PSG11: variants seen among roughly 807,000 people sequenced by gnomAD.
The protein encoded by PSG11 is pregnancy-specific beta-1-glycoprotein 11.
Under a neutral mutation model 36.0 loss-of-function variants are expected in PSG11, and 42 were observed. The observed-to-expected ratio is 1.17, with a 90% CI of 0.91 to 1.51. The LOEUF (loss-of-function observed/expected upper bound fraction) is 1.51, where lower values mean the gene tolerates loss of function less well. PSG11 is among the 40% of genes most tolerant of loss of function. The probability of loss-of-function intolerance (pLI) is 0.00; values close to 1 mark genes in which losing one functional copy is unlikely to be tolerated. For synonymous variants in PSG11, 206 were observed against 153.5 expected, an observed-to-expected ratio of 1.34 and a Z score of -2.53; for missense variants, 558 against 403.5, an observed-to-expected ratio of 1.38 and a Z score of -3.28.
intron 3 of PSG11, chr19:43,015,778 AG>A: frequency 6.2e-7 from 1 of 1,610,470 alleles, no homozygotes. Flanking sequence ...GAGGACATTC[AG>A]GGTGACTGAG....
At chr19:43,013,539 C>G in intron 4 of PSG11, among the ~76,000 whole-genome samples, 1 of 151,148 alleles carries the variant, frequency 6.6e-6, no homozygotes, top group Non-Finnish European at 1.5e-5. Context: ...TAGAGATATA[C>G]AAATCAAAAC....
At chr19:43,019,187 A>G in intron 2 of PSG11, 139 bp from the exon 3 acceptor site, 2 of 1,488,390 alleles carry the variant, frequency 1.3e-6, no homozygotes, top group Admixed American at 2.3e-5. Context: ...GTGTGTTACA[A>G]CACAGATGCA....
chr19:43,019,241 G>C lies in PSG11; in HGVS notation c.431-193C>G. On this transcript the variant is annotated intron_variant, in intron 2 of 5. Coordinates refer to ENST00000320078, the MANE Select transcript of PSG11 (RefSeq NM_002785.3). Reference sequence around the variant, plus strand: ...GAGATTGTGAGGCTGCCTGCTTTATGTGGGAGAAGCACAGACTTTCTCAGG... The same window carrying C: ...GAGATTGTGAGGCTGCCTGCTTTATCTGGGAGAAGCACAGACTTTCTCAGG... 4.8e-6 allele frequency: 6 copies of C among 1,244,022 alleles called. No homozygotes were observed. The South Asian group carries it at 8.0e-5, about 17-fold the overall frequency. The allele number at this position is 1,244,022 out of a possible 1,614,324, so 77.1% of individuals were successfully genotyped here.
At position 43,024,997 on chromosome 19, in the gene PSG11, G is replaced by C; in HGVS notation, c.124C>G (p.Pro42Ala). ...TTAQVMIEAQ[P>A]PKVSEGKDVL... ...TCCTTCCCCTCGGACACTTTGGGTGGCTGGGCTTCAATCATGACTTGGGCA... is the reference window on the plus strand; with the variant it reads ...TCCTTCCCCTCGGACACTTTGGGTGCCTGGGCTTCAATCATGACTTGGGCA... Residue 42 changes from proline to alanine, a missense_variant, in exon 2 of 6, where the codon CCA (proline) becomes GCA (alanine). Pro to Ala is a conservative substitution (Grantham distance 27, BLOSUM62 -1). Transcript: ENST00000320078. 1 of 1,611,166 alleles carries C rather than the reference G, an allele frequency of 6.2e-7. No homozygotes were observed. Among genetic ancestry groups the C allele is most frequent in the East Asian group, 2.2e-5 (1 of 44,772 alleles).
At chr19:43,014,575 C>T (rs1160945583) in intron 4 of PSG11, 2 of 1,005,266 alleles carry the variant, frequency 2.0e-6, no homozygotes, top group African/African-American at 1.7e-5. Context: ...TCTTTCTCCA[C>T]ACATGCTGGT....
chr19:43,011,841 T>A (rs147409960), intron 4 of PSG11, among the ~76,000 whole-genome samples: 4 of 149,408 alleles, frequency 2.7e-5, no homozygotes, highest in Non-Finnish European at 5.9e-5. Context: ...CAGTGAGCCA[T>A]AATCACACCA....
Position 43,026,319 on chromosome 19 carries a change from G to T in PSG11, c.54C>A (p.Leu18=). The T allele has an allele frequency of 6.2e-7, 1 of 1,610,936 alleles. No individual in the cohort carries two copies. Among genetic ancestry groups the T allele is most frequent in the Non-Finnish European group, 8.5e-7 (1 of 1,178,620 alleles). Residue 18 remains leucine, a synonymous_variant, in exon 1 of 6, where the codon CTC becomes CTA. Transcript: ENST00000320078. ...PCTEHIKWKG[L]LLTALLLNFW... is the part of the protein sequence containing the mutation. ...AAGTTCTCTCCTCACCTGTGAGCAG[G>T]AGCCCCTTCCATTTGATGTGCTCTG...
intron 3 of PSG11, chr19:43,015,677 T>C: frequency 6.4e-7 from 1 of 1,563,444 alleles, no homozygotes; most frequent in Admixed American, 1.8e-5. Flanking sequence ...TAAAGGTGTC[T>C]GTACTTGGAC....
In PSG11 at chr19:43,024,705, G is replaced by A. The variant is rs1599682675; in HGVS notation, c.416C>T (p.Thr139Ile). ...DGTRGVTGYFTFTLYLETPKP... is the reference protein window; with the variant it reads ...DGTRGVTGYFIFTLYLETPKP... ...GAATCACTTACGGTATAAGGTGAAG[G>A]TGAAATATCCAGTTACTCCTCTAGT... The change falls in exon 2 of 6, where the codon ACC (threonine) becomes ATC (isoleucine). Residue 139 changes from threonine to isoleucine, a missense_variant. Thr to Ile is a moderately conservative substitution (Grantham distance 89). Transcript: ENST00000320078. 2 of 1,610,780 alleles carry A rather than the reference G, an allele frequency of 1.2e-6. No homozygotes were observed. Among genetic ancestry groups the A allele is most frequent in the Non-Finnish European group, 1.7e-6 (2 of 1,178,500 alleles).
At chr19:43,026,082 C>G (rs1375619196) in intron 1 of PSG11, among the ~76,000 whole-genome samples, 1 of 149,992 alleles carries the variant, frequency 6.7e-6, no homozygotes, top group East Asian at 2.0e-4. Flanking sequence ...GCTAGGATTA[C>G]AGGAGCACAC....
intron 2 of PSG11, among the ~76,000 whole-genome samples, chr19:43,023,626 A>G (rs1185429743): frequency 6.6e-6 from 1 of 151,134 alleles, no homozygotes; most frequent in Non-Finnish European, 1.5e-5. Context: ...TGAGCCAATA[A>G]ATGACTATGG....
chr19:43,026,357 C>G lies in PSG11; in HGVS notation c.16G>C (p.Ala6Pro). 6.2e-7 allele frequency: 1 copy of G among 1,610,710 alleles called. No individual in the cohort carries two copies. The highest frequency in any genetic ancestry group is 8.5e-7 in the Non-Finnish European group (1 of 1,178,380). ...TTGATGTGCTCTGTGCAGGGAGGGGCTGAGAGGGGCCCCATGATCTCTGCT... is the reference window on the plus strand; with the variant it reads ...TTGATGTGCTCTGTGCAGGGAGGGGGTGAGAGGGGCCCCATGATCTCTGCT... MGPLS[A>P]PPCTEHIKWK... The change falls in exon 1 of 6, where the codon GCC (alanine) becomes CCC (proline). Residue 6 changes from alanine to proline, a missense_variant. Transcript: ENST00000320078.
chr19:43,012,583 G>C (rs1171392924), intron 4 of PSG11, among the ~76,000 whole-genome samples: 8 of 129,286 alleles, frequency 6.2e-5, no homozygotes, highest in Non-Finnish European at 9.9e-5. Flanking sequence ...AATAACCAAA[G>C]AGGTGAAATG....
At position 43,013,302 on chromosome 19, in the gene PSG11, TTATC is replaced by T. The variant is rs1159498524; in HGVS notation, c.964+1810_964+1813del. 2.0e-5 allele frequency among the ~76,000 whole-genome samples: 3 copies of T among 151,338 alleles called. No individual in the cohort carries two copies. The East Asian group carries it at 5.8e-4, about 29-fold the overall frequency. On this transcript the variant is annotated intron_variant, in intron 4 of 5. Coordinates refer to ENST00000320078, the MANE Select transcript of PSG11 (RefSeq NM_002785.3). Reference sequence around the variant, plus strand: ...AAAACCTTTTATATATCAAAGAACATTATCAAGAAAGTAAAAAGGCAACCCATGA... The same window carrying T: ...AAAACCTTTTATATATCAAAGAACATAAGAAAGTAAAAAGGCAACCCATGA...
intron 3 of PSG11, chr19:43,016,139 G>T (rs1320007250): frequency 9.3e-6 from 14 of 1,500,300 alleles, no homozygotes; most frequent in African/African-American, 1.4e-5. Context: ...CCACCTCTCA[G>T]CCCACCCGAG....
At chr19:43,014,317 C>T in intron 4 of PSG11, 1 of 889,678 alleles carries the variant, frequency 1.1e-6, no homozygotes, top group Non-Finnish European at 1.3e-6. Context: ...CTGCCCCTTT[C>T]CTGCCATGCA....
chr19:43,025,934 C>CTTTTTTTTTTTTTTTTTTT (rs1967240749), intron 1 of PSG11, among the ~76,000 whole-genome samples: 12 of 61,472 alleles, frequency 2.0e-4, no homozygotes, highest in East Asian at 8.7e-4. Context: ...TTTTTTTTTT[C>CTTTTTTTTTTTTTTTTTTT]TCTTTTTTTT....
Position 43,026,289 on chromosome 19 carries a change from C to T in PSG11, c.64+20G>A. The T allele has an allele frequency of 1.2e-6, 2 of 1,609,800 alleles. No homozygotes were observed. The highest frequency in any genetic ancestry group is 8.5e-7 in the Non-Finnish European group (1 of 1,177,926). ...CTCTGCTTCCTCCTCCTGTCCTCTC[C>T]CAGGAAGTTCTCTCCTCACCTGTGA... On this transcript the variant is annotated intron_variant, in intron 1 of 5. Transcript: ENST00000320078.
chr19:43,015,979 G>C (rs769388903), intron 3 of PSG11: 1 of 1,610,154 alleles, frequency 6.2e-7, no homozygotes, highest in Non-Finnish European at 8.5e-7. Context: ...ACAGGTGAAG[G>C]TTAAGACATC....
Sources: gnomAD v4.1 joint callset for allele counts (sites outside exome capture counted in the v4.1 genomes callset) on GRCh38, gnomAD v4.1.1 for gene constraint, MANE v1.5 for transcripts, NCBI Gene and HGNC (gene_info 2026-07-23, HGNC 2026-07-21) for gene names.